HDLBP: variants seen among roughly 807,000 people sequenced by gnomAD.
HDLBP encodes the protein vigilin.
Under a neutral mutation model 137.3 loss-of-function variants are expected in HDLBP, and 30 were observed. That is an observed-to-expected ratio of 0.22 (90% CI 0.16 to 0.30). HDLBP has a LOEUF of 0.30. HDLBP is among the 10% of genes least tolerant of loss of function. The probability of loss-of-function intolerance (pLI) is 1.00; values close to 1 mark genes in which losing one functional copy is unlikely to be tolerated. For missense variants in HDLBP, 1,119 were observed against 1,667.3 expected, an observed-to-expected ratio of 0.67 and a Z score of 5.73; for synonymous variants, 606 against 596.0, an observed-to-expected ratio of 1.02 and a Z score of -0.24.
chr2:241,248,540 T>A (rs1231985014), intron 12 of HDLBP, among the ~76,000 whole-genome samples, 192 bp from the exon 13 acceptor site: 1 of 152,058 alleles, frequency 6.6e-6, no homozygotes, highest in African/African-American at 2.4e-5. Flanking sequence ...ATGAGTGCTC[T>A]CACCAAGCAT....
chr2:241,305,558 G>A (rs529704263), intron 1 of HDLBP, among the ~76,000 whole-genome samples: 4 of 152,244 alleles, frequency 2.6e-5, no homozygotes, highest in East Asian at 1.9e-4. Context: ...CTTCTGTTGC[G>A]GGGGCTGCCC....
At chr2:241,252,370 C>T (rs2072266193) in intron 11 of HDLBP, among the ~76,000 whole-genome samples, 1 of 152,126 alleles carries the variant, frequency 6.6e-6, no homozygotes, top group South Asian at 2.1e-4. Flanking sequence ...GCTGTGGTGG[C>T]ATGCACCTGT....
chr2:241,262,622 G>T, intron 5 of HDLBP, 89 bp downstream of exon 5: 1 of 940,846 alleles, frequency 1.1e-6, no homozygotes, highest in Non-Finnish European at 1.7e-6. Context: ...CTGGTAGGAA[G>T]GGTCCAGTGA....
intron 3 of HDLBP, among the ~76,000 whole-genome samples, chr2:241,265,184 C>T (rs1394574307): frequency 2.0e-5 from 3 of 152,120 alleles, no homozygotes; most frequent in Non-Finnish European, 2.9e-5. Context: ...TTTGGGAGGC[C>T]GAGGCAGGCA....
In HDLBP at chr2:241,272,358, G is replaced by T; in HGVS notation, c.-102-3817C>A. 4 of 984,638 alleles carry T rather than the reference G, an allele frequency of 4.1e-6. No homozygotes were observed. The highest frequency in any genetic ancestry group is 4.8e-6 in the Non-Finnish European group (4 of 829,590). 61.0% of individuals were successfully genotyped at this position (984,638 alleles called of 1,614,324 possible). On this transcript the variant is annotated intron_variant, in intron 1 of 27. Coordinates refer to ENST00000310931, the MANE Select transcript of HDLBP (RefSeq NM_005336.6). The surrounding 1 kb of genome is among the most constrained non-coding windows in gnomAD (Gnocchi z 5.6). ...GAGGGCCGGCCCCGCCAACGTCAGC[G>T]ACCTGGGCTCAGGTCGGCCGCCCCT... is the stretch of plus-strand genomic sequence containing the variant.
chr2:241,234,104 C>G, intron 23 of HDLBP, 141 bp from the exon 24 acceptor site: 1 of 874,866 alleles, frequency 1.1e-6, no homozygotes, highest in Non-Finnish European at 1.8e-6. Context: ...CGCCATCTCT[C>G]TGGTCCGACC....
chr2:241,230,018 C>A lies in HDLBP; in HGVS notation c.3592-57G>T. The A allele has an allele frequency of 1.3e-6, 2 of 1,573,898 alleles. No homozygotes were observed. The highest frequency in any genetic ancestry group is 1.7e-6 in the Non-Finnish European group (2 of 1,158,124). On this transcript the variant is annotated intron_variant, in intron 26 of 27. Transcript: ENST00000310931. The surrounding 1 kb of genome is among the most constrained non-coding windows in gnomAD (Gnocchi z 5.0). ...TCTGCCCAGCACCCCCAGCATCCCG[C>A]CCGCCTGCTCACCCCTGCACCTCGC...
chr2:241,256,535 C>A (rs1247745621), intron 6 of HDLBP, 65 bp downstream of exon 6: 1 of 1,566,752 alleles, frequency 6.4e-7, no homozygotes, highest in African/African-American at 1.4e-5. Context: ...ACACGGCAAC[C>A]CATGAGGGAG....
chr2:241,313,077 T>C (rs556292279), intron 1 of HDLBP, among the ~76,000 whole-genome samples: 4 of 152,306 alleles, frequency 2.6e-5, no homozygotes, highest in African/African-American at 9.6e-5. Context: ...GAAAAACTCT[T>C]ACTCGTCTTT....
At chr2:241,245,973 G>A (rs2071639732) in intron 16 of HDLBP, among the ~76,000 whole-genome samples, 1 of 151,946 alleles carries the variant, frequency 6.6e-6, no homozygotes, top group Admixed American at 6.6e-5. Context: ...AAAACTTCAT[G>A]TTAATACATT....
Position 241,248,338 on chromosome 2 carries a change from C to T in HDLBP, c.1523G>A (p.Arg508His), listed in dbSNP as rs1263823381. The T allele has an allele frequency of 6.8e-6, 11 of 1,611,740 alleles. No individual in the cohort carries two copies. Among genetic ancestry groups the T allele is most frequent in the Non-Finnish European group, 9.3e-6 (11 of 1,177,836 alleles). The change falls in exon 13 of 28, where the codon CGT (arginine) becomes CAT (histidine). Residue 508 changes from arginine (R) to histidine (H), a missense_variant. By Grantham distance (29) the Arg-to-His change is conservative. Transcript: ENST00000310931. ...TTGCTCAATGATTAGATCCTTGGTA[C>T]GCTCATTTTCCTAAAAATACAATTA... Reference protein sequence around the residue: ...LELASRMENERTKDLIIEQRF... With the variant: ...LELASRMENEHTKDLIIEQRF...
chr2:241,287,956 A>C (rs1204987689), intron 1 of HDLBP, among the ~76,000 whole-genome samples: 1 of 152,214 alleles, frequency 6.6e-6, no homozygotes, highest in African/African-American at 2.4e-5. Flanking sequence ...AAGACCATGA[A>C]AAATGGCACA....
chr2:241,268,244 A>G (rs2073824743), intron 2 of HDLBP, among the ~76,000 whole-genome samples: 1 of 152,258 alleles, frequency 6.6e-6, no homozygotes, highest in Non-Finnish European at 1.5e-5. Context: ...CATTTAAGAA[A>G]TAAAAGATTA....
At chr2:241,232,315 G>A (rs1294529641) in intron 24 of HDLBP, among the ~76,000 whole-genome samples, 6 of 147,934 alleles carry the variant, frequency 4.1e-5, no homozygotes, top group African/African-American at 1.0e-4. Flanking sequence ...TCACTCTGTC[G>A]CCCAGGCTGG....
intron 1 of HDLBP, among the ~76,000 whole-genome samples, chr2:241,298,045 CAAAAAAAAAAAAAAAAAAAAA>C (rs71049568): frequency 1.4e-3 from 32 of 23,404 alleles, no homozygotes; most frequent in African/African-American, 6.6e-3. Flanking sequence ...GACCCTGTCT[CAAAAAAAAAAAAAAAAAAAAA>C]AAAAAAAAAA....
intron 12 of HDLBP, among the ~76,000 whole-genome samples, chr2:241,248,703 G>A (rs1470029594): frequency 2.0e-5 from 3 of 152,264 alleles, no homozygotes; most frequent in Middle Eastern, 6.8e-3. Context: ...AGGTACTACA[G>A]GGGAGGCCCA....
At chr2:241,273,107 G>A (rs1199010560) in intron 1 of HDLBP, 1 of 985,418 alleles carries the variant, frequency 1.0e-6, no homozygotes, top group Non-Finnish European at 1.2e-6. Flanking sequence ...AAGGGAGCAG[G>A]AAGGACGGCT....
At chr2:241,300,729 C>G (rs1327853674) in intron 1 of HDLBP, among the ~76,000 whole-genome samples, 2 of 152,214 alleles carry the variant, frequency 1.3e-5, no homozygotes, top group Admixed American at 6.5e-5. Context: ...GTCCTCCTCT[C>G]TCTGAGACAG....
At chr2:241,299,670 C>T (rs1453330333) in intron 1 of HDLBP, among the ~76,000 whole-genome samples, 3 of 152,146 alleles carry the variant, frequency 2.0e-5, no homozygotes, top group Non-Finnish European at 4.4e-5. Context: ...AATCCCAGCA[C>T]TCTGGGAGGC....
Sources: gnomAD v4.1 joint callset for allele counts (sites outside exome capture counted in the v4.1 genomes callset) on GRCh38, gnomAD v4.1.1 for gene constraint, Gnocchi (gnomAD v3.1) non-coding constraint, MANE v1.5 for transcripts, NCBI Gene and HGNC (gene_info 2026-07-23, HGNC 2026-07-21) for gene names.